Variants in CFAP299 observed in about 807,000 individuals in gnomAD.
The protein encoded by CFAP299 is cilia- and flagella-associated protein 299.
In CFAP299, 21 loss-of-function variants were observed where a neutral mutation model predicts 27.0. That is an observed-to-expected ratio of 0.78 (90% confidence interval 0.55 to 1.12). The LOEUF (loss-of-function observed/expected upper bound fraction) is 1.12. Ranked by LOEUF, CFAP299 falls within the 50% of genes most tolerant of loss-of-function variation. The pLI is 0.00. For missense variants in CFAP299, 310 were observed against 276.6 expected (o/e 1.12, Z -0.86); for synonymous variants, 104 against 98.1 (o/e 1.06, Z -0.36).
At chr4:80,459,668 G>GA (rs943690320) in intron 2 of CFAP299, among the ~76,000 whole-genome samples, 5 of 151,598 alleles carry the variant, frequency 3.3e-5, no homozygotes, top group Non-Finnish European at 5.9e-5. Flanking sequence ...ACTTAATGAA[G>GA]AAAAAAAACA....
At chr4:80,754,802 G>C (rs1725141477) in intron 3 of CFAP299, among the ~76,000 whole-genome samples, 1 of 152,080 alleles carries the variant, frequency 6.6e-6, no homozygotes, top group Non-Finnish European at 1.5e-5. Context: ...AGGTATGCAT[G>C]CACTTGCACT....
chr4:80,458,819 G>A (rs1273678885), intron 2 of CFAP299, among the ~76,000 whole-genome samples: 1 of 152,122 alleles, frequency 6.6e-6, no homozygotes. Context: ...CAGTTTGTTT[G>A]TTCAGGGTCT....
At chr4:80,908,925 C>T (rs891310031) in intron 4 of CFAP299, among the ~76,000 whole-genome samples, 19 of 152,210 alleles carry the variant, frequency 1.2e-4, no homozygotes, top group Admixed American at 3.9e-4. Flanking sequence ...CACACATACA[C>T]ACACATTCTA....
Position 80,640,134 on chromosome 4 carries a change from A to G in CFAP299, c.333+56951A>G, listed in dbSNP as rs369023513. On this transcript the variant is annotated intron_variant, in intron 3 of 5. Coordinates refer to ENST00000358105, the MANE Select transcript of CFAP299 (RefSeq NM_152770.3). ...AACTGTATGTTATATGTATTTTACC[A>G]CAATAAAAAATAAATAAACTAAGTG... 4.6e-5 allele frequency among the ~76,000 whole-genome samples: 7 copies of G among 152,242 alleles called. No individual in the cohort carries two copies. The East Asian group carries it at 5.8e-4, about 13-fold the overall frequency.
At chr4:80,544,756 A>C (rs971859433) in intron 2 of CFAP299, among the ~76,000 whole-genome samples, 1 of 152,206 alleles carries the variant, frequency 6.6e-6, no homozygotes, top group Admixed American at 6.5e-5. Context: ...AGGCAACCAC[A>C]CAATAATGTT....
At chr4:80,394,741 G>A (rs1422669437) in intron 2 of CFAP299, among the ~76,000 whole-genome samples, 1 of 152,014 alleles carries the variant, frequency 6.6e-6, no homozygotes, top group East Asian at 1.9e-4. Context: ...CCATAAATAT[G>A]TGCATTTTTT....
intron 2 of CFAP299, among the ~76,000 whole-genome samples, chr4:80,564,625 A>G (rs1376178180): frequency 1.3e-5 from 2 of 151,998 alleles, no homozygotes. Flanking sequence ...ACAAGAATGC[A>G]CACTGTCACC....
chr4:80,574,934 T>C (rs1176347860), intron 2 of CFAP299, among the ~76,000 whole-genome samples: 1 of 151,194 alleles, frequency 6.6e-6, no homozygotes, highest in African/African-American at 2.4e-5. Context: ...TTTTGATGTA[T>C]CTTTGTAGGT....
rs115922515 is a variant in CFAP299 at position 80,926,676 on chromosome 4, A to G, written c.477-18134A>G. Among the ~76,000 whole-genome samples the G allele has an allele frequency of 2.0e-3, 301 of 152,130 alleles. 1 individual carries two copies. Among genetic ancestry groups the G allele is most frequent in the South Asian group, 4.6e-3 (22 of 4,824 alleles). Reference sequence around the variant, plus strand: ...ATATTCATCAAATTATGACTCACAAACATGATAAGACATTGCTTCTTTCTG... The same window carrying G: ...ATATTCATCAAATTATGACTCACAAGCATGATAAGACATTGCTTCTTTCTG... On this transcript the variant is annotated intron_variant, in intron 4 of 5. Coordinates refer to ENST00000358105, the MANE Select transcript of CFAP299 (RefSeq NM_152770.3).
intron 3 of CFAP299, among the ~76,000 whole-genome samples, chr4:80,651,292 TC>T: frequency 2.3e-5 from 1 of 42,914 alleles, no homozygotes; most frequent in Non-Finnish European, 9.0e-5. Context: ...TCTCTCTTAC[TC>T]TCTCTCTCTT....
At chr4:80,573,375 C>T (rs1419922428) in intron 2 of CFAP299, among the ~76,000 whole-genome samples, 2 of 151,820 alleles carry the variant, frequency 1.3e-5, no homozygotes, top group Admixed American at 6.6e-5. Flanking sequence ...GTTATTAATC[C>T]CTTGTCAGAA....
chr4:80,431,594 AG>A (rs774039676), intron 2 of CFAP299, among the ~76,000 whole-genome samples: 1 of 151,644 alleles, frequency 6.6e-6, no homozygotes, highest in Non-Finnish European at 1.5e-5. Flanking sequence ...AACTTGGAGA[AG>A]CCACTGAGTT....
intron 2 of CFAP299, among the ~76,000 whole-genome samples, chr4:80,435,646 A>G (rs1728031253): frequency 6.6e-6 from 1 of 152,198 alleles, no homozygotes; most frequent in Non-Finnish European, 1.5e-5. Flanking sequence ...CAAGATAGAA[A>G]AGCACCTTGC....
In CFAP299 at chr4:80,605,423, C is replaced by T. The variant is rs111262489; in HGVS notation, c.333+22240C>T. Among the ~76,000 whole-genome samples, 170 of 152,226 alleles carry T rather than the reference C, an allele frequency of 1.1e-3. No individual in the cohort carries two copies. In the South Asian group the frequency reaches 0.018, roughly 16 times the overall value. ...TCTTAAACATAAAAAGACACTAATACATTTTACTTTAAATACAGACTGGAA... is the reference window on the plus strand; with the variant it reads ...TCTTAAACATAAAAAGACACTAATATATTTTACTTTAAATACAGACTGGAA... On this transcript the variant is annotated intron_variant, in intron 3 of 5. Coordinates refer to ENST00000358105, the MANE Select transcript of CFAP299 (RefSeq NM_152770.3).
chr4:80,370,825 T>C (rs544818718), intron 2 of CFAP299, among the ~76,000 whole-genome samples: 15 of 152,282 alleles, frequency 9.9e-5, no homozygotes, highest in Non-Finnish European at 1.8e-4. Flanking sequence ...AGGCACAGGG[T>C]GCAACTTTTG....
At chr4:80,895,257 C>T (rs75223087) in intron 4 of CFAP299, among the ~76,000 whole-genome samples, 6,781 of 151,744 alleles carry the variant, frequency 0.045, 545 homozygotes, top group African/African-American at 0.15. Flanking sequence ...AATCATTTCA[C>T]GTGTATACAT....
At chr4:80,563,343 G>A (rs1735130841) in intron 2 of CFAP299, among the ~76,000 whole-genome samples, 1 of 151,960 alleles carries the variant, frequency 6.6e-6, no homozygotes, top group African/African-American at 2.4e-5. Context: ...ATAATATCAA[G>A]CATCTTCTCT....
chr4:80,607,181 T>C (rs1737723436), intron 3 of CFAP299, among the ~76,000 whole-genome samples: 1 of 152,178 alleles, frequency 6.6e-6, no homozygotes. Flanking sequence ...AGCTGGAGTA[T>C]TACTTTCTCA....
At chr4:80,448,538 T>C (rs1728748754) in intron 2 of CFAP299, among the ~76,000 whole-genome samples, 1 of 152,154 alleles carries the variant, frequency 6.6e-6, no homozygotes. Flanking sequence ...TGCCACTAAC[T>C]CTATTAAACC....
Sources: allele counts gnomAD v4.1 joint callset (sites outside exome capture counted in the v4.1 genomes callset), GRCh38; gene constraint gnomAD v4.1.1; transcripts MANE v1.5; gene names NCBI Gene and HGNC (gene_info 2026-07-23, HGNC 2026-07-21).